The following SOCS6 variants were observed in gnomAD, a reference collection of about 807,000 sequenced individuals.
SOCS6 encodes suppressor of cytokine signaling 6, also known as STAT induced STAT inhibitor-4.
SOCS6 carries 5 observed loss-of-function variants against 27.7 expected under a neutral mutation model. The observed-to-expected ratio is 0.18, with a 90% CI of 0.09 to 0.38. SOCS6 has a LOEUF of 0.38. Among genes scored for constraint, SOCS6 ranks in the 10% least tolerant of loss-of-function variants. SOCS6 has a pLI of 1.00. For missense variants in SOCS6, 595 were observed against 688.1 expected, an observed-to-expected ratio of 0.86 and a Z score of 1.51; for synonymous variants, 271 against 260.0, an observed-to-expected ratio of 1.04 and a Z score of -0.41.
At chr18:70,289,638 G>T (rs1278147144) in intron 1 of SOCS6, among the ~76,000 whole-genome samples, 1 of 149,002 alleles carries the variant, frequency 6.7e-6, no homozygotes, top group South Asian at 2.1e-4. Context: ...CCGCAGGCGC[G>T]AGGGCGGGCC....
At chr18:70,292,276 G>T (rs11873873) in intron 1 of SOCS6, among the ~76,000 whole-genome samples, 14,955 of 152,250 alleles carry the variant, frequency 0.098, 931 homozygotes, top group East Asian at 0.2. Flanking sequence ...TCTTATCTGG[G>T]GCTAAAGTGG....
chr18:70,318,584 G>T (rs141966986), intron 1 of SOCS6, among the ~76,000 whole-genome samples: 1 of 151,584 alleles, frequency 6.6e-6, no homozygotes, highest in African/African-American at 2.4e-5. Flanking sequence ...TAATTTTAGT[G>T]TGTCCTTTCC....
At chr18:70,309,759 C>T (rs570428564) in intron 1 of SOCS6, among the ~76,000 whole-genome samples, 1 of 152,316 alleles carries the variant, frequency 6.6e-6, no homozygotes, top group Admixed American at 6.5e-5. Flanking sequence ...TCTCAGCTCA[C>T]TGCAACTTCC....
At chr18:70,323,978 A>C (rs191974689) in intron 1 of SOCS6, among the ~76,000 whole-genome samples, 1 of 152,286 alleles carries the variant, frequency 6.6e-6, no homozygotes, top group Non-Finnish European at 1.5e-5. Context: ...AGGTGCCAAA[A>C]GAACAAAAGG....
Position 70,325,624 on chromosome 18 carries a change from A to G in SOCS6, c.956A>G (p.Asn319Ser). 1 of 1,614,234 alleles carries G rather than the reference A, an allele frequency of 6.2e-7. No homozygotes were observed. The highest frequency in any genetic ancestry group is 8.5e-7 in the Non-Finnish European group (1 of 1,180,038). ...PLSPLLPPMQ[N>S]NQIQRNFSGL... ...TCACCATTGCTACCTCCAATGCAGA[A>G]TAATCAAATCCAAAGGAACTTCAGT... The change falls in exon 2 of 2, where the codon AAT becomes AGT. Residue 319 changes from asparagine (N) to serine (S), a missense_variant. Physicochemically the swap from Asn to Ser is conservative, Grantham distance 46. Around this residue, in one of 2 missense-constraint regions of SOCS6, gnomAD observed 467 missense variants for 481.1 expected, o/e 0.97. Transcript: ENST00000397942. The surrounding 1 kb of genome is among the most constrained non-coding windows in gnomAD (Gnocchi z 6.3).
At position 70,326,727 on chromosome 18, in the gene SOCS6, T is replaced by C. The variant is rs1911224384; in HGVS notation, c.*451T>C. Reference sequence around the variant, plus strand: ...AAAGACAGTGTTGAATAAACATACCTGTGTGATAAAACACAGAATTTACAT... The same window carrying C: ...AAAGACAGTGTTGAATAAACATACCCGTGTGATAAAACACAGAATTTACAT... On this transcript the variant is annotated 3_prime_UTR_variant, in exon 2 of 2. Transcript: ENST00000397942. 5.7e-6 allele frequency: 1 copy of C among 174,342 alleles called. No individual in the cohort carries two copies. The highest frequency in any genetic ancestry group is 1.4e-5 in the Non-Finnish European group (1 of 72,054). The allele number at this position is 174,342 out of a possible 1,614,324, so 10.8% of individuals were successfully genotyped here. A position where few individuals can be genotyped will look rare whatever the true frequency, so the allele number is the denominator to read the frequency against.
intron 1 of SOCS6, among the ~76,000 whole-genome samples, chr18:70,307,829 T>C (rs1207314753): frequency 6.6e-6 from 1 of 152,178 alleles, no homozygotes; most frequent in East Asian, 1.9e-4. Context: ...CTCTTGTTTT[T>C]CTGTTTTCTA....
chr18:70,318,604 A>G (rs1910855507), intron 1 of SOCS6, among the ~76,000 whole-genome samples: 1 of 151,670 alleles, frequency 6.6e-6, no homozygotes, highest in South Asian at 2.1e-4. Context: ...CATATATAAC[A>G]TATTATTGTT....
rs1911268958 is a variant in SOCS6 at position 70,327,840 on chromosome 18, T to C, written c.*1564T>C. 1 of 166,740 alleles carries C rather than the reference T, an allele frequency of 6.0e-6. No homozygotes were observed. The highest frequency in any genetic ancestry group is 1.5e-5 in the Non-Finnish European group (1 of 68,094). The allele number at this position is 166,740 out of a possible 1,614,324, so 10.3% of individuals were successfully genotyped here. A position where few individuals can be genotyped will look rare whatever the true frequency, so the allele number is the denominator to read the frequency against. ...AAAAGTCTCTTACCCACTTTAAACA[T>C]GAGGGTAAAGGTTTAGGTCAAACTT... On this transcript the variant is annotated 3_prime_UTR_variant, in exon 2 of 2. Transcript: ENST00000397942.
intron 1 of SOCS6, among the ~76,000 whole-genome samples, chr18:70,315,020 C>T (rs1343213962): frequency 1.3e-5 from 2 of 152,032 alleles, no homozygotes; most frequent in East Asian, 1.9e-4. Context: ...TATTAATAAA[C>T]TTCCAAATTA....
chr18:70,306,547 T>A lies in SOCS6; in HGVS notation c.-127+17457T>A, dbSNP rs570883490. ...TTGTGTCAATTATGAATAAAGATGG[T>A]TTTATTTCTTCCTTTCCAATTTGTA... On this transcript the variant is annotated intron_variant, in intron 1 of 1. Coordinates refer to ENST00000397942, the MANE Select transcript of SOCS6 (RefSeq NM_004232.4). Among the ~76,000 whole-genome samples the A allele has an allele frequency of 2.5e-4, 37 of 151,018 alleles. No homozygotes were observed. In the South Asian group the frequency reaches 7.8e-3, roughly 32 times the overall value.
In SOCS6 at chr18:70,326,806, C is replaced by T. The variant is rs779461596; in HGVS notation, c.*530C>T. ...TACTTTAAAAAGATTTATTTAGAAT[C>T]GTGAATTGACATAATCTTGGGTAAT... is the stretch of plus-strand genomic sequence containing the variant. On this transcript the variant is annotated 3_prime_UTR_variant, in exon 2 of 2. Coordinates refer to ENST00000397942, the MANE Select transcript of SOCS6 (RefSeq NM_004232.4). 1.2e-5 allele frequency: 2 copies of T among 167,400 alleles called. No individual in the cohort carries two copies. The highest frequency in any genetic ancestry group is 4.8e-5 in the African/African-American group (2 of 41,438). 10.4% of individuals were successfully genotyped at this position (167,400 alleles called of 1,614,324 possible).
At chr18:70,318,192 T>G (rs1910839112) in intron 1 of SOCS6, among the ~76,000 whole-genome samples, 1 of 152,180 alleles carries the variant, frequency 6.6e-6, no homozygotes, top group Non-Finnish European at 1.5e-5. Flanking sequence ...AAAGGAATGT[T>G]TCCCTAGTCT....
In SOCS6 at chr18:70,325,653, C is replaced by G; in HGVS notation, c.985C>G (p.Leu329Val). The G allele has an allele frequency of 1.2e-6, 2 of 1,614,230 alleles. No homozygotes were observed. The highest frequency in any genetic ancestry group is 1.7e-6 in the Non-Finnish European group (2 of 1,180,030). Residue 329 changes from leucine (L) to valine (V), a missense_variant, in exon 2 of 2, where the codon CTC (leucine) becomes GTC (valine). This residue lies in a region of SOCS6 where 467 missense variants were observed against 481.1 expected (regional missense o/e 0.97). Coordinates refer to ENST00000397942, the MANE Select transcript of SOCS6 (RefSeq NM_004232.4). The surrounding 1 kb of genome is among the most constrained non-coding windows in gnomAD (Gnocchi z 6.3). ...TCAAATCCAAAGGAACTTCAGTGGA[C>G]TCACTGGCACAGAAGCCCACGTGGC... ...NNQIQRNFSG[L>V]TGTEAHVAES...
At chr18:70,289,129 G>A (rs1439646111) in intron 1 of SOCS6, 39 bp downstream of exon 1, 3 of 149,826 alleles carry the variant, frequency 2.0e-5, no homozygotes, top group Non-Finnish European at 3.0e-5. Context: ...GCAGGGGCAG[G>A]GCTTCGCCGT....
intron 1 of SOCS6, among the ~76,000 whole-genome samples, chr18:70,298,900 G>A (rs150485383): frequency 9.9e-5 from 15 of 152,180 alleles, no homozygotes; most frequent in East Asian, 5.8e-4. Context: ...CGAGGTGGGC[G>A]GATCACTTGA....
rs1361742279 is a variant in SOCS6 at position 70,322,401 on chromosome 18, T to C, written c.-126-2142T>C. ...TTGAATTTTGTTTCTTTAATATTAG[T>C]ATTGATTAATAGCTTACTAATATGG... On this transcript the variant is annotated intron_variant, in intron 1 of 1. Transcript: ENST00000397942. Among the ~76,000 whole-genome samples, 3 of 152,210 alleles carry C rather than the reference T, an allele frequency of 2.0e-5. No homozygotes were observed. The East Asian group carries it at 5.8e-4, about 29-fold the overall frequency.
chr18:70,312,668 T>C (rs566555443), intron 1 of SOCS6, among the ~76,000 whole-genome samples: 1 of 152,288 alleles, frequency 6.6e-6, no homozygotes, highest in Admixed American at 6.5e-5. Context: ...TGAAATCACC[T>C]TTTTTAGTTG....
intron 1 of SOCS6, among the ~76,000 whole-genome samples, chr18:70,313,817 G>A (rs929854701): frequency 2.6e-5 from 4 of 151,928 alleles, no homozygotes; most frequent in Admixed American, 1.3e-4. Context: ...TTCTCTTTTC[G>A]TTGTTTGCAT....
Sources: gnomAD v4.1 joint callset for allele counts (sites outside exome capture counted in the v4.1 genomes callset) on GRCh38, gnomAD v4.1.1 for gene constraint, gnomAD v4.1.1 regional missense constraint, Gnocchi (gnomAD v3.1) non-coding constraint, MANE v1.5 for transcripts, NCBI Gene and HGNC (gene_info 2026-07-23, HGNC 2026-07-21) for gene names.